Variants in TBC1D10B observed in about 807,000 individuals in gnomAD.
TBC1D10B encodes Rab27A-GAPbeta.
TBC1D10B carries 25 observed loss-of-function variants against 78.4 expected under a neutral mutation model. The ratio of observed to expected loss-of-function variants is 0.32; its 90% CI spans 0.23 to 0.45. The LOEUF (loss-of-function observed/expected upper bound fraction) is 0.45, where lower values mean the gene tolerates loss of function less well. TBC1D10B is among the 20% of genes least tolerant of loss of function. TBC1D10B has a pLI of 1.00. For synonymous variants in TBC1D10B, 517 were observed against 478.0 expected, an observed-to-expected ratio of 1.08 and a Z score of -1.06; for missense variants, 996 against 1,104.8, an observed-to-expected ratio of 0.90 and a Z score of 1.40.
chr16:30,357,403 G>A lies in TBC1D10B; in HGVS notation c.*541C>T. On this transcript the variant is annotated 3_prime_UTR_variant, in exon 9 of 9. Transcript: ENST00000409939. ...GTGCATGTCCCCTTAAATAAACTGG[G>A]TACAGGAGCATTATGGAAGGAGAAC... 2 of 169,196 alleles carry A rather than the reference G, an allele frequency of 1.2e-5. No homozygotes were observed. The highest frequency in any genetic ancestry group is 1.3e-4 in the South Asian group (1 of 7,444). The allele number at this position is 169,196 out of a possible 1,614,324, so 10.5% of individuals were successfully genotyped here. A position where few individuals can be genotyped will look rare whatever the true frequency, so the allele number is the denominator to read the frequency against.
Position 30,369,771 on chromosome 16 carries a change from G to A in TBC1D10B, c.413C>T (p.Ala138Val), listed in dbSNP as rs962676829. 1 of 1,446,212 alleles carries A rather than the reference G, an allele frequency of 6.9e-7. No homozygotes were observed. The highest frequency in any genetic ancestry group is 2.5e-5 in the East Asian group (1 of 39,378). The allele number at this position is 1,446,212 out of a possible 1,614,324, so 89.6% of individuals were successfully genotyped here. The change falls in exon 1 of 9, where the codon GCT (alanine) becomes GTT (valine). Residue 138 changes from alanine to valine, a missense_variant. By Grantham distance (64) the Ala-to-Val change is moderately conservative. Coordinates refer to ENST00000409939, the MANE Select transcript of TBC1D10B (RefSeq NM_015527.4). The surrounding 1 kb of genome is among the most constrained non-coding windows in gnomAD (Gnocchi z 4.3). ...AGADSPKTEE[A>V]RPSPAPGPGT... ...TGGTCCTGGGGCGGGTGAGGGTCGAGCCTCCTCTGTCTTCGGCGAGTCTGC... is the reference window on the plus strand; with the variant it reads ...TGGTCCTGGGGCGGGTGAGGGTCGAACCTCCTCTGTCTTCGGCGAGTCTGC...
intron 5 of TBC1D10B, 49 bp downstream of exon 5, chr16:30,359,678 T>TAGGGTGAGATCCCCCCTGC: frequency 6.4e-7 from 1 of 1,552,452 alleles, no homozygotes; most frequent in African/African-American, 1.4e-5. Context: ...ATCACCACTG[T>TAGGGTGAGATCCCCCCTGC]AGGGTGAGAT....
chr16:30,365,368 C>T lies in TBC1D10B; in HGVS notation c.1056+127G>A. 3 of 1,305,976 alleles carry T rather than the reference C, an allele frequency of 2.3e-6. No individual in the cohort carries two copies. Among genetic ancestry groups the T allele is most frequent in the South Asian group, 1.2e-5 (1 of 81,876 alleles). 80.9% of individuals were successfully genotyped at this position (1,305,976 alleles called of 1,614,324 possible). On this transcript the variant is annotated intron_variant, in intron 2 of 8. Coordinates refer to ENST00000409939, the MANE Select transcript of TBC1D10B (RefSeq NM_015527.4). The surrounding 1 kb of genome is among the most constrained non-coding windows in gnomAD (Gnocchi z 5.0). The stretch of plus-strand genomic sequence containing the variant: ...GACTTCTATTTTTAAAGCCATTCCC[C>T]CGCCAGGGCCCATCTATCCCCAGTG...
rs2049678667 is a variant in TBC1D10B, at chr16:30,370,242, C to A, written c.-59G>T. 5.4e-6 allele frequency: 5 copies of A among 934,052 alleles called. No homozygotes were observed. Among genetic ancestry groups the A allele is most frequent in the Non-Finnish European group, 6.7e-6 (5 of 748,102 alleles). 57.9% of individuals were successfully genotyped at this position (934,052 alleles called of 1,614,324 possible). ...GGAGGCCGCAGAAGGCGCCGCCCCT[C>A]GGGCCTCCCGGCGAGGCCAGCCGAG... On this transcript the variant is annotated 5_prime_UTR_variant, in exon 1 of 9. Transcript: ENST00000409939.
At chr16:30,358,853 AG>A (rs1200468808) in intron 7 of TBC1D10B, 36 bp from the exon 8 acceptor site, 1 of 1,574,906 alleles carries the variant, frequency 6.3e-7, no homozygotes, top group Non-Finnish European at 8.6e-7. Flanking sequence ...TGGGGTGGTC[AG>A]ACCCAAGATC....
At chr16:30,367,200 C>CAA (rs1198822299) in intron 1 of TBC1D10B, 1 of 151,648 alleles carries the variant, frequency 6.6e-6, no homozygotes, top group Non-Finnish European at 1.5e-5. Flanking sequence ...GTCTCAAAAA[C>CAA]AAAACAAAAC....
At chr16:30,361,810 C>T (rs1216569418) in intron 4 of TBC1D10B, among the ~76,000 whole-genome samples, 1 of 151,944 alleles carries the variant, frequency 6.6e-6, no homozygotes, top group African/African-American at 2.4e-5. Context: ...CTCAGCCTCC[C>T]GAGTAACTGG....
chr16:30,362,231 C>T (rs144453961), intron 4 of TBC1D10B, among the ~76,000 whole-genome samples: 300 of 151,820 alleles, frequency 2.0e-3, no homozygotes, highest in African/African-American at 6.9e-3. Flanking sequence ...ATGATCTGCC[C>T]GCCTTGGCCT....
At position 30,370,436 on chromosome 16, in the gene TBC1D10B, C is replaced by A. The variant is rs544929024; in HGVS notation, c.-253G>T. On this transcript the variant is annotated 5_prime_UTR_variant, in exon 1 of 9. Transcript: ENST00000409939. ...CCGCCCCCTCCCTCCTGCTTGGGGG[C>A]GAGCCGCCGACCTCGCGCCTGCGCA... 1.3e-5 allele frequency among the ~76,000 whole-genome samples: 2 copies of A among 151,824 alleles called. No individual in the cohort carries two copies. Among genetic ancestry groups the A allele is most frequent in the Non-Finnish European group, 2.9e-5 (2 of 67,838 alleles).
At chr16:30,359,431 C>A in intron 6 of TBC1D10B, 70 bp from the exon 7 acceptor site, 1 of 1,545,828 alleles carries the variant, frequency 6.5e-7, no homozygotes. Flanking sequence ...AACTGGCCGG[C>A]CCTGTGGGCA....
Position 30,365,407 on chromosome 16 carries a change from A to T in TBC1D10B, c.1056+88T>A, listed in dbSNP as rs2049628857. ...CTATCCCCAGTGTGGTCCAGAGGGC[A>T]GATATTATCGGCTTCCTGGGCTTCC... On this transcript the variant is annotated intron_variant, in intron 2 of 8. Coordinates refer to ENST00000409939, the MANE Select transcript of TBC1D10B (RefSeq NM_015527.4). The surrounding 1 kb of genome is among the most constrained non-coding windows in gnomAD (Gnocchi z 5.0). 6.7e-7 allele frequency: 1 copy of T among 1,485,814 alleles called. No homozygotes were observed. The highest frequency in any genetic ancestry group is 1.7e-5 in the Admixed American group (1 of 59,766). The allele number at this position is 1,485,814 out of a possible 1,614,324, so 92.0% of individuals were successfully genotyped here. A position where few individuals can be genotyped will look rare whatever the true frequency, so the allele number is the denominator to read the frequency against.
In TBC1D10B at chr16:30,365,256, C is replaced by G. The variant is rs1412650193; in HGVS notation, c.1057-44G>C. The G allele has an allele frequency of 5.1e-6, 8 of 1,558,310 alleles. No homozygotes were observed. Among genetic ancestry groups the G allele is most frequent in the African/African-American group, 2.7e-5 (2 of 73,552 alleles). The stretch of plus-strand genomic sequence containing the variant: ...AGGGGGACAGCTTCAAGGGCTGGCA[C>G]AGCCTCCAACCTTTCCCCAGCAGTC... On this transcript the variant is annotated intron_variant, in intron 2 of 8. Transcript: ENST00000409939. This position sits in a 1 kb window ranked among gnomAD's most constrained non-coding sequence, Gnocchi z 5.0.
Position 30,358,081 on chromosome 16 carries a change from C to T in TBC1D10B, c.2290G>A (p.Glu764Lys). ...EKQEKEREKQ[E>K]KERQKQEKKA... Reference sequence around the variant, plus strand: ...TTCTCCTGCTTCTGCCGCTCCTTCTCCTGCTTCTCTCGCTCCTTTTCCTGC... The same window carrying T: ...TTCTCCTGCTTCTGCCGCTCCTTCTTCTGCTTCTCTCGCTCCTTTTCCTGC... Residue 764 changes from glutamate (E) to lysine (K), a missense_variant, in exon 9 of 9, where the codon GAG becomes AAG. Coordinates refer to ENST00000409939, the MANE Select transcript of TBC1D10B (RefSeq NM_015527.4). 6.5e-7 allele frequency: 1 copy of T among 1,550,314 alleles called. No homozygotes were observed. Among genetic ancestry groups the T allele is most frequent in the Non-Finnish European group, 8.7e-7 (1 of 1,145,590 alleles).
At chr16:30,364,235 G>C (rs1312850469) in intron 4 of TBC1D10B, among the ~76,000 whole-genome samples, 1 of 152,096 alleles carries the variant, frequency 6.6e-6, no homozygotes, top group East Asian at 1.9e-4. Flanking sequence ...GAGGTTGGGA[G>C]TTCAAGACCA....
Position 30,364,980 on chromosome 16 carries a change from G to C in TBC1D10B, c.1191C>G (p.Pro397=). The C allele has an allele frequency of 6.2e-7, 1 of 1,613,348 alleles. No individual in the cohort carries two copies. Among genetic ancestry groups the C allele is most frequent in the Non-Finnish European group, 8.5e-7 (1 of 1,179,644 alleles). The change falls in exon 4 of 9, where the codon CCC becomes CCG. Residue 397 remains proline (P), a synonymous_variant. Transcript: ENST00000409939. ...CCTTCTCAATCACATCCAGCCACTT[G>C]GGGTCCCCAGGAGCCCGTTCCAGCT... ...FEELERAPGD[P]KWLDVIEKDL...
In TBC1D10B at chr16:30,358,245, G is replaced by A; in HGVS notation, c.2126C>T (p.Thr709Ile). The change falls in exon 9 of 9, where the codon ACT becomes ATT. Residue 709 changes from threonine to isoleucine, a missense_variant. Transcript: ENST00000409939. ...GGAACCCAAGGGGGTGCTATTGCCA[G>A]TGGGTGAGGGAAGGGATGGATGCAG... is the stretch of plus-strand genomic sequence containing the variant. ...EGLHPSLPSP[T>I]GNSTPLGSSK... is the part of the protein sequence containing the mutation. The A allele has an allele frequency of 6.4e-7, 1 of 1,564,062 alleles. No individual in the cohort carries two copies. The highest frequency in any genetic ancestry group is 8.7e-7 in the Non-Finnish European group (1 of 1,154,008).
chr16:30,358,873 T>C, intron 7 of TBC1D10B, 56 bp from the exon 8 acceptor site: 1 of 1,542,584 alleles, frequency 6.5e-7, no homozygotes, highest in Non-Finnish European at 8.8e-7. Context: ...TCTCAGCCTG[T>C]CCTGATCAGG....
Sources: gnomAD v4.1 joint callset for allele counts (sites outside exome capture counted in the v4.1 genomes callset) on GRCh38, gnomAD v4.1.1 for gene constraint, Gnocchi (gnomAD v3.1) non-coding constraint, MANE v1.5 for transcripts, NCBI Gene and HGNC (gene_info 2026-07-23, HGNC 2026-07-21) for gene names.